The following TNFAIP8L3 variants were observed in gnomAD, a reference collection of about 807,000 sequenced individuals.
TNFAIP8L3 encodes TNF alpha induced protein 8 like 3.
A neutral mutation model predicts 11.8 loss-of-function variants in TNFAIP8L3; 7 were observed. The observed-to-expected ratio is 0.59, with a 90% CI of 0.34 to 1.11. The LOEUF is 1.11. Ranked by LOEUF, TNFAIP8L3 falls within the 50% of genes most tolerant of loss-of-function variation. The pLI, the probability that TNFAIP8L3 is intolerant of heterozygous loss-of-function variation, is 0.03. For missense variants in TNFAIP8L3, 219 were observed against 258.6 expected (o/e 0.85, Z 1.05); for synonymous variants, 98 against 103.8 (o/e 0.94, Z 0.34).
At chr15:51,105,179 G>A (rs373934789) in exon 1 of TNFAIP8L3, 120 of 1,612,998 alleles carry the variant, frequency 7.4e-5, no homozygotes, top group Non-Finnish European at 9.7e-5. Flanking sequence ...TTCCCCATTT[G>A]GACTCAGGTG....
At position 51,074,569 on chromosome 15, in the gene TNFAIP8L3, G is replaced by A. The variant is rs551923921; in HGVS notation, c.53-16126C>T. The stretch of plus-strand genomic sequence containing the variant: ...GAACAGACCTCTGGCTCTGCCCACC[G>A]GATCCCATCCCTCCTACCAGAGGCC... On this transcript the variant is annotated intron_variant, in intron 1 of 1. Coordinates refer to ENST00000637513, the MANE Select transcript of TNFAIP8L3 (RefSeq NM_001311175.2). Among the ~76,000 whole-genome samples the A allele has an allele frequency of 2.6e-5, 4 of 152,302 alleles. No individual in the cohort carries two copies. The East Asian group carries it at 5.8e-4, about 22-fold the overall frequency.
intron 1 of TNFAIP8L3, among the ~76,000 whole-genome samples, chr15:51,078,949 C>T (rs905819309): frequency 6.6e-6 from 1 of 152,190 alleles, no homozygotes; most frequent in African/African-American, 2.4e-5. Context: ...CATCTCTCTA[C>T]CCCAGCTACT....
At chr15:51,066,566 T>C (rs1370587071) in intron 1 of TNFAIP8L3, among the ~76,000 whole-genome samples, 2 of 152,212 alleles carry the variant, frequency 1.3e-5, no homozygotes, top group Non-Finnish European at 2.9e-5. Flanking sequence ...CTTTCACTAC[T>C]GATAAGTGGT....
intron 1 of TNFAIP8L3, among the ~76,000 whole-genome samples, chr15:51,072,906 T>C (rs2065320768): frequency 6.6e-6 from 1 of 152,134 alleles, no homozygotes; most frequent in Non-Finnish European, 1.5e-5. Context: ...TGATTATTCT[T>C]GCCTTTATTC....
intron 1 of TNFAIP8L3, among the ~76,000 whole-genome samples, chr15:51,066,928 A>G (rs1192318171): frequency 1.3e-5 from 2 of 152,218 alleles, no homozygotes; most frequent in Admixed American, 1.3e-4. Flanking sequence ...TGTTGTTTGT[A>G]TATTCCTAGA....
intron 1 of TNFAIP8L3, among the ~76,000 whole-genome samples, chr15:51,081,061 AT>A (rs1371042831): frequency 4.6e-5 from 7 of 151,848 alleles, no homozygotes; most frequent in Admixed American, 3.9e-4. Flanking sequence ...AGCTTTTAAG[AT>A]TTTTGCTTCG....
At chr15:51,103,391 A>G (rs1170800451) in intron 1 of TNFAIP8L3, among the ~76,000 whole-genome samples, 1 of 152,234 alleles carries the variant, frequency 6.6e-6, no homozygotes, top group Non-Finnish European at 1.5e-5. Context: ...GGCCAAGGAT[A>G]TCAACTTTAT....
In TNFAIP8L3 at chr15:51,070,495, A is replaced by G. The variant is rs145252349; in HGVS notation, c.53-12052T>C. 1.6e-3 allele frequency among the ~76,000 whole-genome samples: 246 copies of G among 152,344 alleles called. 2 individuals carry two copies. Among genetic ancestry groups the G allele is most frequent in the African/African-American group, 5.8e-3 (241 of 41,576 alleles). ...ACTGTATCAAGTAGGCACTAATGTC[A>G]GCGATAGCAATGGATGCAGCATTTC... On this transcript the variant is annotated intron_variant, in intron 1 of 1. Transcript: ENST00000637513.
intron 1 of TNFAIP8L3, among the ~76,000 whole-genome samples, chr15:51,066,996 A>G (rs938988820): frequency 7.9e-5 from 12 of 152,092 alleles, no homozygotes; most frequent in Non-Finnish European, 1.5e-4. Flanking sequence ...GCCTTAAGGG[A>G]TGGTGGGGCC....
rs879054018 is a variant in TNFAIP8L3, at chr15:51,101,780, A to G, written c.172+3225T>C. ...GCTAACACAGTGAAACCCCATCTCT[A>G]CTGAAGATACAAAAAATTAGCGAGG... On this transcript the variant is annotated intron_variant, in intron 1 of 2. Transcript: ENST00000327536. 2.0e-5 allele frequency among the ~76,000 whole-genome samples: 3 copies of G among 150,412 alleles called. 1 individual carries two copies. In the South Asian group the frequency reaches 6.3e-4, roughly 32 times the overall value.
intron 1 of TNFAIP8L3, among the ~76,000 whole-genome samples, chr15:51,072,360 G>A (rs1306142485): frequency 6.6e-6 from 1 of 152,078 alleles, no homozygotes; most frequent in Non-Finnish European, 1.5e-5. Context: ...GGCTGATCTC[G>A]AACTCCTGAT....
upstream of TNFAIP8L3, among the ~76,000 whole-genome samples, chr15:51,097,163 T>C (rs1009544713): frequency 6.6e-6 from 1 of 152,168 alleles, no homozygotes; most frequent in Admixed American, 6.5e-5. Context: ...TTGCACTTCA[T>C]GGAAGCTTTT....
At chr15:51,070,775 G>A (rs545038144) in intron 1 of TNFAIP8L3, among the ~76,000 whole-genome samples, 134 of 152,110 alleles carry the variant, frequency 8.8e-4, no homozygotes, top group African/African-American at 3.0e-3. Flanking sequence ...GGCCGGGCGC[G>A]GTGGCTCACG....
upstream of TNFAIP8L3, among the ~76,000 whole-genome samples, chr15:51,096,041 T>G (rs1306353600): frequency 2.6e-5 from 4 of 152,224 alleles, no homozygotes; most frequent in Admixed American, 2.6e-4. Flanking sequence ...AGAATTCAAC[T>G]TATTTTCATT....
At chr15:51,069,130 C>T (rs1213952921) in intron 1 of TNFAIP8L3, among the ~76,000 whole-genome samples, 1 of 152,190 alleles carries the variant, frequency 6.6e-6, no homozygotes, top group Non-Finnish European at 1.5e-5. Context: ...AGTCTTCACC[C>T]CCTCTGCCGT....
chr15:51,077,374 C>A (rs943695923), intron 1 of TNFAIP8L3, among the ~76,000 whole-genome samples: 37 of 152,236 alleles, frequency 2.4e-4, no homozygotes, highest in Admixed American at 1.8e-3. Flanking sequence ...AAGGCCAGCC[C>A]TTCCCGCTGG....
intron 1 of TNFAIP8L3, among the ~76,000 whole-genome samples, chr15:51,066,202 G>A (rs1368570192): frequency 4.3e-5 from 6 of 140,796 alleles, no homozygotes; most frequent in Admixed American, 7.5e-5. Context: ...TCACTTTGTC[G>A]CCCAGGCTGG....
Position 51,058,114 on chromosome 15 carries a change from T to C in TNFAIP8L3, c.382A>G (p.Thr128Ala). ...TIVSFYEVEY[T>A]FDRNVLSNLL... Reference sequence around the variant, plus strand: ...TTGGAGAGCACGTTCCTATCGAAGGTGTATTCCACCTCATAGAAGCTGACA... The same window carrying C: ...TTGGAGAGCACGTTCCTATCGAAGGCGTATTCCACCTCATAGAAGCTGACA... Residue 128 changes from threonine to alanine, a missense_variant, in exon 2 of 2, where the codon ACC (threonine) becomes GCC (alanine). Transcript: ENST00000637513. The C allele has an allele frequency of 6.2e-7, 1 of 1,614,180 alleles. No homozygotes were observed. The highest frequency in any genetic ancestry group is 8.5e-7 in the Non-Finnish European group (1 of 1,180,026).
intron 1 of TNFAIP8L3, among the ~76,000 whole-genome samples, chr15:51,064,296 A>G (rs1048365651): frequency 6.6e-6 from 1 of 152,200 alleles, no homozygotes; most frequent in Non-Finnish European, 1.5e-5. Flanking sequence ...TGCTCCAGGA[A>G]AGAAAGTCTT....
Sources: gnomAD v4.1 joint callset for allele counts (sites outside exome capture counted in the v4.1 genomes callset) on GRCh38, gnomAD v4.1.1 for gene constraint, MANE v1.5 for transcripts, NCBI Gene and HGNC (gene_info 2026-07-23, HGNC 2026-07-21) for gene names.